Variants in PRKACB observed in about 807,000 individuals in gnomAD.
PRKACB encodes protein kinase cAMP-activated catalytic subunit beta, also known as cAMP-dependent protein kinase catalytic subunit beta.
A neutral mutation model predicts 51.4 loss-of-function variants in PRKACB; 16 were observed. The ratio of observed to expected loss-of-function variants is 0.31; its 90% CI spans 0.21 to 0.47. The LOEUF is 0.47. PRKACB is among the 20% of genes least tolerant of loss of function. The pLI is 1.00. For synonymous variants in PRKACB, 147 were observed against 154.4 expected, an observed-to-expected ratio of 0.95 and a Z score of 0.35; for missense variants, 309 against 464.5, an observed-to-expected ratio of 0.67 and a Z score of 3.08.
chr1:84,078,080 C>G, upstream of PRKACB: 1 of 385,358 alleles, frequency 2.6e-6, no homozygotes, highest in Non-Finnish European at 4.5e-6. Flanking sequence ...GCCGCCGCCA[C>G]TGCTGCTGCC....
chr1:84,111,908 G>C (rs1650260785), intron 1 of PRKACB, among the ~76,000 whole-genome samples: 1 of 151,952 alleles, frequency 6.6e-6, no homozygotes, highest in South Asian at 2.1e-4. Context: ...TTTTTATTTA[G>C]TATTTATTTC....
In PRKACB at chr1:84,214,173, C is replaced by T; in HGVS notation, c.927C>T (p.Phe309=). The T allele has an allele frequency of 1.2e-6, 2 of 1,610,502 alleles. No individual in the cohort carries two copies. The highest frequency in any genetic ancestry group is 1.7e-6 in the Non-Finnish European group (2 of 1,178,482). The change falls in exon 9 of 10, where the codon TTC becomes TTT. Residue 309 remains phenylalanine (F), a synonymous_variant. Transcript: ENST00000370685. ...TGTAGGTCCGATTCCCATCCCACTT[C>T]AGTTCAGATCTCAAGGACCTTCTAC... ...VSGKVRFPSH[F]SSDLKDLLRN... is the part of the protein sequence containing the mutation.
chr1:84,201,228 A>T (rs1670016816), intron 7 of PRKACB, among the ~76,000 whole-genome samples: 1 of 152,104 alleles, frequency 6.6e-6, no homozygotes, highest in Non-Finnish European at 1.5e-5. Flanking sequence ...ACTCATTTTT[A>T]AAATATTTAC....
At chr1:84,166,875 A>G (rs1459443302) in intron 1 of PRKACB, among the ~76,000 whole-genome samples, 1 of 151,630 alleles carries the variant, frequency 6.6e-6, no homozygotes. Context: ...AATCTCATCC[A>G]TGCCTACATC....
chr1:84,131,095 G>T (rs1287882596), intron 1 of PRKACB, among the ~76,000 whole-genome samples: 1 of 152,258 alleles, frequency 6.6e-6, no homozygotes, highest in East Asian at 1.9e-4. Context: ...GGTGGCTCAC[G>T]CCTGTAAACC....
chr1:84,158,769 T>C (rs1291778826), intron 1 of PRKACB, among the ~76,000 whole-genome samples: 1 of 152,182 alleles, frequency 6.6e-6, no homozygotes, highest in Non-Finnish European at 1.5e-5. Context: ...AGATTTTCAA[T>C]CTGTACTTCC....
chr1:84,217,439 A>T (rs1054180192), intron 9 of PRKACB, among the ~76,000 whole-genome samples: 2 of 151,938 alleles, frequency 1.3e-5, no homozygotes, highest in African/African-American at 4.8e-5. Context: ...TCAGTCTCTT[A>T]TCTCACAGTT....
At chr1:84,128,512 G>C (rs141740938) in intron 1 of PRKACB, among the ~76,000 whole-genome samples, 10 of 152,200 alleles carry the variant, frequency 6.6e-5, no homozygotes, top group African/African-American at 1.9e-4. Flanking sequence ...CATGCTTCCA[G>C]TGTTTAGACT....
intron 8 of PRKACB, chr1:84,204,491 T>C: frequency 1.9e-6 from 3 of 1,598,976 alleles, no homozygotes; most frequent in Non-Finnish European, 2.6e-6. Flanking sequence ...GAACTTTTGA[T>C]ATGAACAAAA....
In PRKACB at chr1:84,229,752, G is replaced by A. The variant is rs1237681753; in HGVS notation, c.1072-5428G>A. Among the ~76,000 whole-genome samples the A allele has an allele frequency of 4.9e-3, 738 of 150,862 alleles. 8 individuals carry two copies. Among genetic ancestry groups the A allele is most frequent in the African/African-American group, 0.015 (625 of 41,192 alleles). ...CTTCTTTTGAGAAGTGTCTGTTCAT[G>A]TCCTTTGCCCACTTTTTGATGGGGT... On this transcript the variant is annotated intron_variant, in intron 9 of 9. Transcript: ENST00000370685.
intron 1 of PRKACB, among the ~76,000 whole-genome samples, chr1:84,122,373 A>G (rs1027078530): frequency 4.6e-5 from 7 of 152,144 alleles, no homozygotes; most frequent in Admixed American, 3.3e-4. Flanking sequence ...CTTATACTCA[A>G]TTGAGCAAAT....
intron 1 of PRKACB, among the ~76,000 whole-genome samples, chr1:84,092,703 C>T (rs1403546252): frequency 6.6e-6 from 1 of 152,074 alleles, no homozygotes; most frequent in Non-Finnish European, 1.5e-5. Context: ...TGTTTCTAAC[C>T]AGCAGTGCTT....
At chr1:84,222,742 T>G (rs936387156) in intron 9 of PRKACB, among the ~76,000 whole-genome samples, 2 of 152,236 alleles carry the variant, frequency 1.3e-5, no homozygotes, top group Admixed American at 6.5e-5. Flanking sequence ...ACTTTTTTTC[T>G]CCTTCATTTT....
chr1:84,124,871 C>G (rs1435990626), intron 1 of PRKACB, among the ~76,000 whole-genome samples: 4 of 152,162 alleles, frequency 2.6e-5, no homozygotes, highest in African/African-American at 9.7e-5. Context: ...ACACGAAGGG[C>G]TCTAAGTGTT....
intron 1 of PRKACB, among the ~76,000 whole-genome samples, chr1:84,113,447 G>A (rs77460982): frequency 7.2e-5 from 11 of 152,218 alleles, no homozygotes; most frequent in African/African-American, 2.6e-4. Flanking sequence ...CAGGTGCTTT[G>A]GAAACAGTTT....
intron 1 of PRKACB, 45 bp downstream of exon 1, chr1:84,144,593 A>G (rs987982971): frequency 1.5e-5 from 23 of 1,502,596 alleles, no homozygotes; most frequent in Non-Finnish European, 2.0e-5. Context: ...AGCAACTAAA[A>G]TGGTAATTGG....
Position 84,235,233 on chromosome 1 carries a change from T to C in PRKACB, c.1125T>C (p.Phe375=), listed in dbSNP as rs1269118358. ...KFRGSGDTSN[F]DDYEEEDIRV... ...GAGGCTCTGGAGATACCAGCAACTT[T>C]GATGACTATGAAGAAGAAGATATCC... The change falls in exon 10 of 10, where the codon TTT becomes TTC. Residue 375 remains phenylalanine (F), a synonymous_variant. Transcript: ENST00000370685. The C allele has an allele frequency of 6.2e-7, 1 of 1,614,030 alleles. No individual in the cohort carries two copies. The highest frequency in any genetic ancestry group is 1.1e-5 in the South Asian group (1 of 91,080).
chr1:84,179,716 T>A (rs1006848324), intron 2 of PRKACB, among the ~76,000 whole-genome samples: 3 of 151,946 alleles, frequency 2.0e-5, no homozygotes, highest in Admixed American at 2.0e-4. Context: ...AACTAGGATC[T>A]AAAAACTGTA....
At chr1:84,078,188 C>A in exon 1 of PRKACB, 1 of 947,024 alleles carries the variant, frequency 1.1e-6, no homozygotes, top group Non-Finnish European at 1.5e-6. Flanking sequence ...TCTTCGCGCC[C>A]GGACTCCTGG....
Sources: allele counts gnomAD v4.1 joint callset (sites outside exome capture counted in the v4.1 genomes callset), GRCh38; gene constraint gnomAD v4.1.1; transcripts MANE v1.5; gene names NCBI Gene and HGNC (gene_info 2026-07-23, HGNC 2026-07-21).